The following SPICE1 variants were observed in gnomAD, a reference collection of about 807,000 sequenced individuals.
The protein encoded by SPICE1 is spindle and centriole associated protein 1.
In SPICE1, 75 loss-of-function variants were observed where a neutral mutation model predicts 102.7. The observed-to-expected ratio is 0.73, with a 90% CI of 0.61 to 0.88. The LOEUF (loss-of-function observed/expected upper bound fraction) is 0.88, where lower values mean the gene tolerates loss of function less well. Among genes scored for constraint, SPICE1 ranks in the 40% least tolerant of loss-of-function variants. SPICE1 has a pLI of 0.00. For missense variants in SPICE1, 979 were observed against 1,020.1 expected (o/e 0.96, Z 0.55); for synonymous variants, 308 against 350.3 (o/e 0.88, Z 1.35).
chr3:113,495,564 C>A (rs1444804654), intron 4 of SPICE1, among the ~76,000 whole-genome samples: 3 of 152,204 alleles, frequency 2.0e-5, no homozygotes, highest in Non-Finnish European at 4.4e-5. Flanking sequence ...AGTCAACAAC[C>A]CTTCCCCAGC....
At chr3:113,498,290 AAACAT>A (rs1368091718) in intron 4 of SPICE1, among the ~76,000 whole-genome samples, 2 of 152,218 alleles carry the variant, frequency 1.3e-5, no homozygotes, top group African/African-American at 2.4e-5. Flanking sequence ...GAAGGCAAAG[AAACAT>A]CACTCATCGT....
intron 7 of SPICE1, among the ~76,000 whole-genome samples, chr3:113,478,425 T>G (rs949534129): frequency 6.6e-6 from 1 of 152,098 alleles, no homozygotes; most frequent in Non-Finnish European, 1.5e-5. Flanking sequence ...AAGTAGAGGT[T>G]TCATTCCTGA....
At chr3:113,445,820 CT>C (rs370527051) in intron 17 of SPICE1, among the ~76,000 whole-genome samples, 189 of 152,214 alleles carry the variant, frequency 1.2e-3, no homozygotes, top group African/African-American at 4.2e-3. Flanking sequence ...TATCTTTCCC[CT>C]ATCATTTAAT....
intron 1 of SPICE1, chr3:113,514,460 G>C: frequency 5.5e-6 from 2 of 363,528 alleles, no homozygotes; most frequent in Non-Finnish European, 5.4e-6. Flanking sequence ...ATCCAACTCA[G>C]CTTGGCATTC....
In SPICE1 at chr3:113,460,617, C is replaced by T. The variant is rs760510998; in HGVS notation, c.1435G>A (p.Glu479Lys). 6.2e-7 allele frequency: 1 copy of T among 1,608,402 alleles called. No homozygotes were observed. Among genetic ancestry groups the T allele is most frequent in the Non-Finnish European group, 8.5e-7 (1 of 1,177,418 alleles). ...TCTGAGAGAGTAAGACCACACTCAC[C>T]TGGACTGTCCATAACTCTTCTACCT... ...ATGRRVMDSP[E>K]RPVVNANVSV... is the part of the protein sequence containing the mutation. The change falls in exon 12 of 18, where the codon GAG becomes AAG. Residue 479 changes from glutamate to lysine, a missense_variant and splice_region_variant. Glu to Lys is a moderately conservative substitution (Grantham distance 56). Coordinates refer to ENST00000295872, the MANE Select transcript of SPICE1 (RefSeq NM_144718.4).
chr3:113,476,617 C>T (rs1229879718), intron 7 of SPICE1, among the ~76,000 whole-genome samples: 2 of 147,794 alleles, frequency 1.4e-5, no homozygotes, highest in Non-Finnish European at 3.0e-5. Flanking sequence ...ACAGAGCCCT[C>T]AGAAATAACG....
At chr3:113,474,627 A>G (rs943658103) in intron 7 of SPICE1, among the ~76,000 whole-genome samples, 9 of 152,224 alleles carry the variant, frequency 5.9e-5, no homozygotes, top group South Asian at 4.1e-4. Flanking sequence ...ACTCAGGATT[A>G]AGAAACTCAC....
chr3:113,490,653 A>C (rs1936745638), intron 6 of SPICE1, among the ~76,000 whole-genome samples: 1 of 152,032 alleles, frequency 6.6e-6, no homozygotes, highest in South Asian at 2.1e-4. Context: ...AAAAAGAAAA[A>C]AAAAAATCCC....
At chr3:113,493,395 T>A (rs1048918391) in intron 5 of SPICE1, 83 bp from the exon 6 acceptor site, 1 of 1,064,760 alleles carries the variant, frequency 9.4e-7, no homozygotes, top group African/African-American at 1.6e-5. Flanking sequence ...TTGGTTTGCA[T>A]CATCATATGA....
At chr3:113,471,302 T>A (rs6786974) in intron 7 of SPICE1, among the ~76,000 whole-genome samples, 33,101 of 151,914 alleles carry the variant, frequency 0.22, 4,021 homozygotes, top group African/African-American at 0.33. Context: ...ACATATTTTT[T>A]AAAAAAAATT....
intron 7 of SPICE1, among the ~76,000 whole-genome samples, chr3:113,482,350 C>T (rs926368408): frequency 1.3e-5 from 2 of 152,138 alleles, no homozygotes; most frequent in Non-Finnish European, 2.9e-5. Context: ...TTCTCCCATT[C>T]TGTAGATTAC....
intron 7 of SPICE1, among the ~76,000 whole-genome samples, chr3:113,484,810 C>T (rs1358403005): frequency 1.3e-5 from 2 of 151,614 alleles, no homozygotes; most frequent in African/African-American, 2.4e-5. Flanking sequence ...AGAAAAAGTA[C>T]GATGAGGTAC....
intron 16 of SPICE1, 26 bp downstream of exon 16, chr3:113,448,011 TA>T (rs202122240): frequency 1.9e-6 from 3 of 1,540,180 alleles, no homozygotes; most frequent in Non-Finnish European, 1.8e-6. Flanking sequence ...TTTTTTTTTT[TA>T]AATAAATATT....
At chr3:113,465,536 CT>C (rs1936034249) in intron 11 of SPICE1, 116 bp downstream of exon 11, 2 of 813,648 alleles carry the variant, frequency 2.5e-6, no homozygotes, top group South Asian at 4.2e-5. Flanking sequence ...ATAAAAATGA[CT>C]GATAAGTAAT....
intron 2 of SPICE1, among the ~76,000 whole-genome samples, chr3:113,503,740 C>T (rs1367979231): frequency 1.3e-5 from 2 of 151,868 alleles, no homozygotes; most frequent in Non-Finnish European, 2.9e-5. Flanking sequence ...CGAGAACAGC[C>T]AGGCCAACAT....
intron 4 of SPICE1, among the ~76,000 whole-genome samples, chr3:113,497,132 G>A (rs1296911921): frequency 6.6e-6 from 1 of 152,186 alleles, no homozygotes; most frequent in East Asian, 1.9e-4. Context: ...GAACTTCTGG[G>A]TGACATGTAA....
chr3:113,459,451 CA>C (rs1243127728), intron 12 of SPICE1: 2 of 965,892 alleles, frequency 2.1e-6, no homozygotes, highest in East Asian at 1.1e-4. Context: ...CAAAACAAAA[CA>C]AAACAAAAAA....
intron 7 of SPICE1, among the ~76,000 whole-genome samples, chr3:113,472,443 G>C (rs2107469604): frequency 6.6e-6 from 1 of 152,354 alleles, no homozygotes; most frequent in East Asian, 1.9e-4. Context: ...GGTTCTCCCA[G>C]CACGCAGCTG....
chr3:113,497,692 G>GA (rs1936923000), intron 4 of SPICE1, among the ~76,000 whole-genome samples: 1 of 107,430 alleles, frequency 9.3e-6, no homozygotes, highest in Admixed American at 8.7e-5. Flanking sequence ...TAGAGAGAGA[G>GA]AGAGAGAAAG....
Sources: allele counts gnomAD v4.1 joint callset (sites outside exome capture counted in the v4.1 genomes callset), GRCh38; gene constraint gnomAD v4.1.1; transcripts MANE v1.5; gene names NCBI Gene and HGNC (gene_info 2026-07-23, HGNC 2026-07-21).